Variants in SNX24 observed in about 807,000 individuals in gnomAD.
SNX24 encodes the protein sorting nexin-24.
A neutral mutation model predicts 28.7 loss-of-function variants in SNX24; 22 were observed. The ratio of observed to expected loss-of-function variants is 0.77; its 90% CI spans 0.55 to 1.10. SNX24 has a LOEUF of 1.10. Ranked by LOEUF, SNX24 falls within the 50% of genes least tolerant of loss-of-function variation. SNX24 has a pLI of 0.00. For missense variants in SNX24, 221 were observed against 201.1 expected (o/e 1.10, Z -0.60); for synonymous variants, 69 against 71.5 (o/e 0.96, Z 0.18).
At chr5:122,854,691 G>A (rs893599902) in intron 1 of SNX24, among the ~76,000 whole-genome samples, 4 of 151,932 alleles carry the variant, frequency 2.6e-5, no homozygotes, top group African/African-American at 9.7e-5. Flanking sequence ...TTTACTTAAT[G>A]ATATATCCTG....
chr5:122,889,408 A>G (rs1756853900), intron 1 of SNX24, among the ~76,000 whole-genome samples: 3 of 151,962 alleles, frequency 2.0e-5, no homozygotes, highest in Non-Finnish European at 4.4e-5. Context: ...GTGCTCCAAA[A>G]TTCAAAACTT....
intron 1 of SNX24, among the ~76,000 whole-genome samples, chr5:122,891,755 C>T (rs533293703): frequency 6.6e-6 from 1 of 152,164 alleles, no homozygotes; most frequent in South Asian, 2.1e-4. Flanking sequence ...TTGTTATGTT[C>T]GGCTGTATTA....
Position 122,986,678 on chromosome 5 carries a change from G to A in SNX24, c.250-13234G>A, listed in dbSNP as rs1432523030. Reference sequence around the variant, plus strand: ...GAGATAAGAAAGGGAAACAGCATCGGTTGAACACTCTTGAAAACTTTTGCC... The same window carrying A: ...GAGATAAGAAAGGGAAACAGCATCGATTGAACACTCTTGAAAACTTTTGCC... On this transcript the variant is annotated intron_variant, in intron 3 of 6. Coordinates refer to ENST00000261369, the MANE Select transcript of SNX24 (RefSeq NM_014035.4). Among the ~76,000 whole-genome samples the A allele has an allele frequency of 3.9e-5, 6 of 152,098 alleles. No individual in the cohort carries two copies. The East Asian group carries it at 1.2e-3, about 29-fold the overall frequency.
At chr5:123,001,068 C>T (rs913482881) in intron 4 of SNX24, among the ~76,000 whole-genome samples, 3 of 152,168 alleles carry the variant, frequency 2.0e-5, no homozygotes, top group Admixed American at 6.5e-5. Flanking sequence ...TATGTATTTA[C>T]GGGCAGGTTA....
rs1191874556 is a variant in SNX24 at position 123,008,724 on chromosome 5, C to T, written c.*975C>T. 8.4e-6 allele frequency: 3 copies of T among 358,796 alleles called. No homozygotes were observed. The highest frequency in any genetic ancestry group is 7.8e-6 in the Non-Finnish European group (2 of 257,466). 22.2% of individuals were successfully genotyped at this position (358,796 alleles called of 1,614,324 possible). ...GGTGTGCATTCATTTTAGGTGGGATCGCCACAGGATTTCATGTTATTTTCC... is the reference window on the plus strand; with the variant it reads ...GGTGTGCATTCATTTTAGGTGGGATTGCCACAGGATTTCATGTTATTTTCC... On this transcript the variant is annotated 3_prime_UTR_variant, in exon 7 of 7. Transcript: ENST00000261369.
Position 123,001,389 on chromosome 5 carries a change from T to TGAA in SNX24, c.345-16_345-15insGAA. ...TATGTGGTTTTTTTGTTTTTTTCCT[T>TGAA]TTTCAAAACTTTTAGATCTTTTGAT... is the stretch of plus-strand genomic sequence containing the variant. On this transcript the variant is annotated splice_polypyrimidine_tract_variant and intron_variant, in intron 4 of 6. Coordinates refer to ENST00000261369, the MANE Select transcript of SNX24 (RefSeq NM_014035.4). The TGAA allele has an allele frequency of 6.3e-7, 1 of 1,590,946 alleles. No individual in the cohort carries two copies. The highest frequency in any genetic ancestry group is 8.6e-7 in the Non-Finnish European group (1 of 1,161,692).
chr5:122,969,897 C>T (rs966228398), intron 3 of SNX24, among the ~76,000 whole-genome samples: 10 of 152,068 alleles, frequency 6.6e-5, no homozygotes, highest in African/African-American at 2.4e-4. Flanking sequence ...GCACCACCCA[C>T]CCACCTACCC....
chr5:122,913,673 CCGGGCAGA>C (rs2150093002), intron 1 of SNX24, among the ~76,000 whole-genome samples: 1 of 152,206 alleles, frequency 6.6e-6, no homozygotes, highest in East Asian at 2.0e-4. Context: ...GACGGGGCAG[CCGGGCAGA>C]GACTCTCCTC....
At chr5:123,010,900 A>G (rs1447583487), downstream of SNX24, among the ~76,000 whole-genome samples, 1 of 151,880 alleles carries the variant, frequency 6.6e-6, no homozygotes, top group Non-Finnish European at 1.5e-5. Flanking sequence ...ATCAGTATAT[A>G]AAGTGCTATT....
At chr5:122,947,219 C>T (rs1759725770) in intron 3 of SNX24, among the ~76,000 whole-genome samples, 1 of 151,908 alleles carries the variant, frequency 6.6e-6, no homozygotes, top group Non-Finnish European at 1.5e-5. Context: ...AGCATTAACC[C>T]TAGGGTGGAT....
intron 1 of SNX24, among the ~76,000 whole-genome samples, chr5:122,880,256 G>A (rs982593521): frequency 6.7e-6 from 1 of 150,220 alleles, no homozygotes; most frequent in African/African-American, 2.5e-5. Context: ...CTGGTGTTTC[G>A]GAGACGTGTG....
intron 1 of SNX24, chr5:122,891,146 C>A: frequency 6.9e-7 from 1 of 1,449,044 alleles, no homozygotes; most frequent in Admixed American, 2.7e-5. Flanking sequence ...CTGTAGAAAA[C>A]TTTACCTAGT....
At chr5:123,024,234 C>T (rs1762817283) in intron 5 of SNX24, among the ~76,000 whole-genome samples, 2 of 152,202 alleles carry the variant, frequency 1.3e-5, no homozygotes, top group African/African-American at 4.8e-5. Flanking sequence ...CCTTCTTACT[C>T]AGAGACCACA....
At chr5:122,898,911 T>C (rs1757318226) in intron 1 of SNX24, among the ~76,000 whole-genome samples, 2 of 152,192 alleles carry the variant, frequency 1.3e-5, no homozygotes, top group African/African-American at 4.8e-5. Context: ...AATCAGAGTT[T>C]AGGAACTGGA....
chr5:122,975,706 C>A lies in SNX24; in HGVS notation c.250-24206C>A, dbSNP rs544310930. Among the ~76,000 whole-genome samples, 5 of 152,198 alleles carry A rather than the reference C, an allele frequency of 3.3e-5. No individual in the cohort carries two copies. In the South Asian group the frequency reaches 1.0e-3, roughly 32 times the overall value. On this transcript the variant is annotated intron_variant, in intron 3 of 6. Transcript: ENST00000261369. ...AATAAGAAAATTGGCAGAATTCATT[C>A]ATTTAAAAATCATTATAAATGATCA...
rs150699585 is a variant in SNX24 at position 122,918,493 on chromosome 5, G to T, written c.61-18241G>T. Among the ~76,000 whole-genome samples, 642 of 152,314 alleles carry T rather than the reference G, an allele frequency of 4.2e-3. 16 individuals are homozygous for T. The highest frequency in any genetic ancestry group is 2.7e-3 in the East Asian group (14 of 5,190). On this transcript the variant is annotated intron_variant, in intron 1 of 6. Transcript: ENST00000261369. Reference sequence around the variant, plus strand: ...TTATAACATTGGGTAGCACTTTTATGTGTTGCTTCATAAGTAATCATATTT... The same window carrying T: ...TTATAACATTGGGTAGCACTTTTATTTGTTGCTTCATAAGTAATCATATTT...
intron 3 of SNX24, among the ~76,000 whole-genome samples, chr5:122,952,975 A>T (rs1327077827): frequency 6.6e-6 from 1 of 152,212 alleles, no homozygotes; most frequent in Non-Finnish European, 1.5e-5. Flanking sequence ...GATGGGAGGT[A>T]CAATACACAA....
downstream of SNX24, among the ~76,000 whole-genome samples, chr5:123,011,634 C>T (rs967453209): frequency 2.0e-5 from 3 of 152,222 alleles, no homozygotes; most frequent in Non-Finnish European, 4.4e-5. Flanking sequence ...AATTCTGGCA[C>T]ACCTGTGAGG....
At chr5:123,000,612 G>C (rs1436141338) in intron 4 of SNX24, among the ~76,000 whole-genome samples, 1 of 152,122 alleles carries the variant, frequency 6.6e-6, no homozygotes. Flanking sequence ...TAAACCCATT[G>C]GTCCTAACCC....
Sources: allele counts gnomAD v4.1 joint callset (sites outside exome capture counted in the v4.1 genomes callset), GRCh38; gene constraint gnomAD v4.1.1; transcripts MANE v1.5; gene names NCBI Gene and HGNC (gene_info 2026-07-23, HGNC 2026-07-21).